PPP1R9A: variants seen among roughly 807,000 people sequenced by gnomAD.
The protein encoded by PPP1R9A is neurabin-1.
A neutral mutation model predicts 141.9 loss-of-function variants in PPP1R9A; 59 were observed. That is an observed-to-expected ratio of 0.42 (90% CI 0.34 to 0.52). PPP1R9A has a LOEUF of 0.52. Among genes scored for constraint, PPP1R9A ranks in the 20% least tolerant of loss-of-function variants. The probability of loss-of-function intolerance (pLI) is 0.10; values close to 1 mark genes in which losing one functional copy is unlikely to be tolerated. For synonymous variants in PPP1R9A, 500 were observed against 569.7 expected (o/e 0.88, Z 1.74); for missense variants, 1,444 against 1,611.9 (o/e 0.90, Z 1.78).
chr7:95,148,111 C>T (rs770354854), intron 4 of PPP1R9A, among the ~76,000 whole-genome samples: 3 of 151,922 alleles, frequency 2.0e-5, no homozygotes, highest in South Asian at 2.1e-4. Flanking sequence ...GAAGAAAGAT[C>T]TAAAATCAGC....
In PPP1R9A at chr7:94,911,146, G is replaced by A. The variant is rs1791406594; in HGVS notation, c.1033G>A (p.Glu345Lys). Residue 345 changes from glutamate (E) to lysine (K), a missense_variant, in exon 2 of 20, where the codon GAA becomes AAA. By Grantham distance (56) the Glu-to-Lys change is moderately conservative (BLOSUM62 1). Transcript: ENST00000433360. ...EIPSPQSQLL[E>K]DAEANLVGRE... ...CCCTTCACCACAAAGCCAACTGTTA[G>A]AAGATGCTGAAGCTAATTTGGTTGG... The A allele has an allele frequency of 6.2e-7, 1 of 1,614,048 alleles. No homozygotes were observed. Among genetic ancestry groups the A allele is most frequent in the African/African-American group, 1.3e-5 (1 of 74,934 alleles).
chr7:95,237,238 C>CA (rs550217260), intron 8 of PPP1R9A, among the ~76,000 whole-genome samples: 35 of 149,726 alleles, frequency 2.3e-4, no homozygotes, highest in African/African-American at 8.3e-4. Context: ...CTCTGTCTCC[C>CA]AGGCTGGAGA....
Position 95,136,626 on chromosome 7 carries a change from A to G in PPP1R9A, c.1649+15794A>G, listed in dbSNP as rs562494944. 2.0e-5 allele frequency among the ~76,000 whole-genome samples: 3 copies of G among 152,276 alleles called. No individual in the cohort carries two copies. In the South Asian group the frequency reaches 6.2e-4, roughly 32 times the overall value. ...GAAAGAGAATGGCATATACATAATG[A>G]TGGAGAACTCAGCAGGATATTTGCT... On this transcript the variant is annotated intron_variant, in intron 4 of 19. Transcript: ENST00000433360.
chr7:95,160,040 T>C (rs1383301038), intron 4 of PPP1R9A, among the ~76,000 whole-genome samples: 1 of 151,704 alleles, frequency 6.6e-6, no homozygotes, highest in Non-Finnish European at 1.5e-5. Flanking sequence ...TCTGTTTGAC[T>C]ACATTTCTCA....
intron 5 of PPP1R9A, among the ~76,000 whole-genome samples, chr7:95,173,773 T>G (rs1832506714): frequency 6.6e-6 from 1 of 152,102 alleles, no homozygotes; most frequent in African/African-American, 2.4e-5. Flanking sequence ...AAATGCTGCT[T>G]AACATTATTA....
At chr7:95,058,815 A>G (rs1217799146) in intron 2 of PPP1R9A, among the ~76,000 whole-genome samples, 1 of 151,810 alleles carries the variant, frequency 6.6e-6, no homozygotes, top group Non-Finnish European at 1.5e-5. Flanking sequence ...TTTGAGATGA[A>G]GTCTCGCTCT....
chr7:95,266,556 A>G (rs377682271), intron 12 of PPP1R9A, among the ~76,000 whole-genome samples: 1 of 152,086 alleles, frequency 6.6e-6, no homozygotes, highest in Non-Finnish European at 1.5e-5. Flanking sequence ...TAGAGTAATC[A>G]TGGTAGCGCA....
chr7:95,032,252 A>C (rs1807790871), intron 2 of PPP1R9A, among the ~76,000 whole-genome samples: 1 of 152,150 alleles, frequency 6.6e-6, no homozygotes, highest in African/African-American at 2.4e-5. Context: ...AATTATGGTG[A>C]GAGTTAGTAG....
chr7:95,150,282 A>G (rs1828420012), intron 4 of PPP1R9A, among the ~76,000 whole-genome samples: 1 of 152,106 alleles, frequency 6.6e-6, no homozygotes, highest in Non-Finnish European at 1.5e-5. Flanking sequence ...ATATCTAGGT[A>G]AGCTTAGGTA....
intron 17 of PPP1R9A, 40 bp from the exon 18 acceptor site, chr7:95,286,166 A>T (rs555761703): frequency 6.8e-6 from 11 of 1,607,588 alleles, no homozygotes; most frequent in Middle Eastern, 3.3e-4. Context: ...TTGCTCACTC[A>T]CTGCACTCAT....
intron 2 of PPP1R9A, among the ~76,000 whole-genome samples, chr7:95,022,283 G>C (rs1806092193): frequency 6.6e-6 from 1 of 152,092 alleles, no homozygotes; most frequent in South Asian, 2.1e-4. Context: ...GTCTATTATT[G>C]ATGTATAGGA....
chr7:95,195,699 T>C (rs1479605374), intron 5 of PPP1R9A, among the ~76,000 whole-genome samples: 2 of 152,162 alleles, frequency 1.3e-5, no homozygotes, highest in African/African-American at 2.4e-5. Context: ...CACCTACATG[T>C]ATATTGTGTA....
intron 6 of PPP1R9A, 132 bp from the exon 7 acceptor site, chr7:95,203,533 G>T: frequency 5.5e-6 from 3 of 547,428 alleles, no homozygotes; most frequent in Non-Finnish European, 9.2e-6. Flanking sequence ...CCAACATGCC[G>T]CAATATTGTC....
intron 3 of PPP1R9A, among the ~76,000 whole-genome samples, chr7:95,117,791 C>A (rs1821774969): frequency 6.6e-6 from 1 of 151,956 alleles, no homozygotes. Context: ...GAAGAGAAAC[C>A]CTGTGAGTAT....
In PPP1R9A at chr7:95,027,094, G is replaced by C. The variant is rs140597176; in HGVS notation, c.1396-84165G>C. ...AGCCCCCTTTCCAAGGGAGTGAATG[G>C]TTCTGTCTTGCTGGTGTTACAGGTG... On this transcript the variant is annotated intron_variant, in intron 2 of 19. Coordinates refer to ENST00000433360, the MANE Select transcript of PPP1R9A (RefSeq NM_001166160.2). 1.9e-4 allele frequency among the ~76,000 whole-genome samples: 29 copies of C among 152,224 alleles called. No individual in the cohort carries two copies. In the East Asian group the frequency reaches 5.0e-3, roughly 26 times the overall value.
intron 2 of PPP1R9A, among the ~76,000 whole-genome samples, chr7:95,062,306 G>A (rs982360285): frequency 6.6e-6 from 1 of 152,254 alleles, no homozygotes; most frequent in East Asian, 1.9e-4. Context: ...CATAAGAAGG[G>A]CATTAACTTC....
chr7:95,184,130 G>A (rs1449907622), intron 5 of PPP1R9A, among the ~76,000 whole-genome samples: 3 of 152,112 alleles, frequency 2.0e-5, no homozygotes, highest in Non-Finnish European at 4.4e-5. Context: ...TAGTGAAAGT[G>A]GCTGGAGTTA....
chr7:95,049,674 G>C (rs1428101570), intron 2 of PPP1R9A, among the ~76,000 whole-genome samples: 1 of 151,880 alleles, frequency 6.6e-6, no homozygotes, highest in Non-Finnish European at 1.5e-5. Flanking sequence ...AATCCACTGT[G>C]CTCTGCCAAT....
intron 2 of PPP1R9A, among the ~76,000 whole-genome samples, chr7:94,926,969 C>T (rs932732407): frequency 1.3e-5 from 2 of 151,988 alleles, no homozygotes; most frequent in Non-Finnish European, 2.9e-5. Context: ...ATGTTTCCTC[C>T]GTGAATTACA....
Sources: gnomAD v4.1 joint callset for allele counts (sites outside exome capture counted in the v4.1 genomes callset) on GRCh38, gnomAD v4.1.1 for gene constraint, MANE v1.5 for transcripts, NCBI Gene and HGNC (gene_info 2026-07-23, HGNC 2026-07-21) for gene names.